Variants in ELANE observed in about 807,000 individuals in gnomAD.
The protein encoded by ELANE is elastase, neutrophil expressed.
ELANE carries 12 observed loss-of-function variants against 20.6 expected under a neutral mutation model. That is an observed-to-expected ratio of 0.58 (90% CI 0.37 to 0.94). ELANE has a LOEUF of 0.94. Among genes scored for constraint, ELANE ranks in the 40% least tolerant of loss-of-function variants. ELANE has a pLI of 0.01. For missense variants in ELANE, 388 were observed against 395.2 expected (o/e 0.98, Z 0.15); for synonymous variants, 203 against 177.4 (o/e 1.14, Z -1.15).
In ELANE at chr19:855,943, T is replaced by G. The variant is rs1275096616; in HGVS notation, c.598-15T>G. 1 of 1,612,920 alleles carries G rather than the reference T, an allele frequency of 6.2e-7. No individual in the cohort carries two copies. Among genetic ancestry groups the G allele is most frequent in the Non-Finnish European group, 8.5e-7 (1 of 1,179,996 alleles). On this transcript the variant is annotated splice_polypyrimidine_tract_variant and intron_variant, in intron 4 of 4. Transcript: ENST00000263621. This position sits in a 1 kb window ranked among gnomAD's most constrained non-coding sequence, Gnocchi z 6.2. ...GCCTCGCAGTCCAGCTTCCCCACCT[T>G]GTCTGCCTCCACAGGGGGACTCCGG...
In ELANE at chr19:855,355, C is replaced by T. The variant is rs897100267; in HGVS notation, c.367-209C>T. Among the ~76,000 whole-genome samples the T allele has an allele frequency of 3.3e-5, 5 of 152,178 alleles. No homozygotes were observed. The highest frequency in any genetic ancestry group is 1.2e-4 in the African/African-American group (5 of 41,448). On this transcript the variant is annotated intron_variant, in intron 3 of 4. Transcript: ENST00000263621. The surrounding 1 kb of genome is among the most constrained non-coding windows in gnomAD (Gnocchi z 6.2). ...CTCAAGCCACATCCAGGGACAACCT[C>T]CAACGCCCTGAGCCTTGGTGACGGC...
intron 3 of ELANE, among the ~76,000 whole-genome samples, 162 bp downstream of exon 3, chr19:853,565 C>T (rs936063435): frequency 2.0e-5 from 3 of 152,160 alleles, no homozygotes; most frequent in Admixed American, 2.0e-4. Context: ...CTCTGTGAAA[C>T]GGGAAAATAC....
chr19:856,124 C>T lies in ELANE; in HGVS notation c.764C>T (p.Pro255Leu). The change falls in exon 5 of 5, where the codon CCC becomes CTC. Residue 255 changes from proline (P) to leucine (L), a missense_variant. Transcript: ENST00000263621. ...CAACGCTCCGAGGACAACCCCTGTC[C>T]CCACCCCCGGGACCCGGACCCGGCC... ...IIQRSEDNPC[P>L]HPRDPDPASR... 6.2e-7 allele frequency: 1 copy of T among 1,613,070 alleles called. No homozygotes were observed. The highest frequency in any genetic ancestry group is 1.1e-5 in the South Asian group (1 of 91,086).
At chr19:853,433 G>A in intron 3 of ELANE, 30 bp downstream of exon 3, 2 of 1,569,766 alleles carry the variant, frequency 1.3e-6, no homozygotes, top group Non-Finnish European at 1.7e-6. Flanking sequence ...GGGGCGCAGG[G>A]GCGGAGGCCA....
Position 855,586 on chromosome 19 carries a change from A to G in ELANE, c.389A>G (p.Asn130Ser), listed in dbSNP as rs770152261. The G allele has an allele frequency of 1.2e-6, 2 of 1,600,228 alleles. No homozygotes were observed. The highest frequency in any genetic ancestry group is 2.2e-5 in the South Asian group (2 of 91,078). Residue 130 changes from asparagine (N) to serine (S), a missense_variant, in exon 4 of 5, where the codon AAC becomes AGC. Asn to Ser is a conservative substitution (Grantham distance 46, BLOSUM62 1). Transcript: ENST00000263621. The surrounding 1 kb of genome is among the most constrained non-coding windows in gnomAD (Gnocchi z 6.2). ...CAGCTCAACGGGTCGGCCACCATCA[A>G]CGCCAACGTGCAGGTGGCCCAGCTG... ...ILQLNGSATI[N>S]ANVQVAQLPA...
rs982244146 is a variant in ELANE at position 853,472 on chromosome 19, G to A, written c.366+69G>A. 6.5e-6 allele frequency: 10 copies of A among 1,527,674 alleles called. No homozygotes were observed. The African/African-American group carries it at 9.7e-5, about 15-fold the overall frequency. 94.6% of individuals were successfully genotyped at this position (1,527,674 alleles called of 1,614,324 possible). A position where few individuals can be genotyped will look rare whatever the true frequency, so the allele number is the denominator to read the frequency against. ...GCCTGGGGAGGGTGGAGGCTGCGAC[G>A]GAGGGGCGCGTCGGGGCCGCTCGTG... On this transcript the variant is annotated intron_variant, in intron 3 of 4. Coordinates refer to ENST00000263621, the MANE Select transcript of ELANE (RefSeq NM_001972.4).
rs777407712 is a variant in ELANE at position 856,136 on chromosome 19, A to G, written c.776A>G (p.Asp259Gly). The change falls in exon 5 of 5, where the codon GAC becomes GGC. Residue 259 changes from aspartate to glycine, a missense_variant. Physicochemically the swap from Asp to Gly is moderately conservative, Grantham distance 94. This residue lies in a region of ELANE where 321 missense variants were observed against 309.8 expected (regional missense o/e 1.04). Coordinates refer to ENST00000263621, the MANE Select transcript of ELANE (RefSeq NM_001972.4). Reference protein sequence around the residue: ...SEDNPCPHPRDPDPASRTH With the variant: ...SEDNPCPHPRGPDPASRTH ...GACAACCCCTGTCCCCACCCCCGGG[A>G]CCCGGACCCGGCCAGCAGGACCCAC... 6.2e-7 allele frequency: 1 copy of G among 1,612,758 alleles called. No individual in the cohort carries two copies. Among genetic ancestry groups the G allele is most frequent in the South Asian group, 1.1e-5 (1 of 91,068 alleles).
At position 856,141 on chromosome 19, in the gene ELANE, G is replaced by C. The variant is rs745363993; in HGVS notation, c.781G>C (p.Asp261His). Residue 261 changes from aspartate (D) to histidine (H), a missense_variant, in exon 5 of 5, where the codon GAC becomes CAC. This residue lies in a region of ELANE where 321 missense variants were observed against 309.8 expected (regional missense o/e 1.04). Coordinates refer to ENST00000263621, the MANE Select transcript of ELANE (RefSeq NM_001972.4). ...DNPCPHPRDP[D>H]PASRTH ...CCCCTGTCCCCACCCCCGGGACCCG[G>C]ACCCGGCCAGCAGGACCCACTGAGA... 5 of 1,612,850 alleles carry C rather than the reference G, an allele frequency of 3.1e-6. No individual in the cohort carries two copies. Among genetic ancestry groups the C allele is most frequent in the Non-Finnish European group, 4.2e-6 (5 of 1,180,026 alleles).
At chr19:853,226 G>A (rs1385601587) in intron 2 of ELANE, 36 bp from the exon 3 acceptor site, 21 of 1,557,000 alleles carry the variant, frequency 1.3e-5, no homozygotes, top group Non-Finnish European at 1.6e-5. Flanking sequence ...CGACCCCCGG[G>A]GCCGCCCCTG....
rs1255037748 is a variant in ELANE at position 853,136 on chromosome 19, T to C, written c.224+104T>C. ...GGGGCTGCTGGCGGGGGGGGGTCCG[T>C]CCAGGGCCCGCGGGGCCCCTCGAGC... On this transcript the variant is annotated intron_variant, in intron 2 of 4. Transcript: ENST00000263621. 4.8e-6 allele frequency: 7 copies of C among 1,469,392 alleles called. No homozygotes were observed. In the African/African-American group the frequency reaches 8.8e-5, roughly 18 times the overall value. The allele number at this position is 1,469,392 out of a possible 1,614,324, so 91.0% of individuals were successfully genotyped here.
chr19:854,012 C>A (rs985826934), intron 3 of ELANE, among the ~76,000 whole-genome samples: 1 of 152,080 alleles, frequency 6.6e-6, no homozygotes, highest in African/African-American at 2.4e-5. Flanking sequence ...GATCTGCTGT[C>A]AATCAACAAA....
At chr19:853,211 A>T in intron 2 of ELANE, 51 bp from the exon 3 acceptor site, 1 of 1,541,278 alleles carries the variant, frequency 6.5e-7, no homozygotes, top group African/African-American at 1.4e-5. Flanking sequence ...GGCGCGGCTG[A>T]GCCCCGACCC....
chr19:854,134 C>T (rs1445379016), intron 3 of ELANE, among the ~76,000 whole-genome samples: 2 of 152,224 alleles, frequency 1.3e-5, no homozygotes, highest in Non-Finnish European at 2.9e-5. Flanking sequence ...CCCCTGTCCG[C>T]GGCTTGCAGT....
chr19:856,015 G>A lies in ELANE; in HGVS notation c.655G>A (p.Val219Ile), dbSNP rs17216656. Residue 219 changes from valine (V) to isoleucine (I), a missense_variant, in exon 5 of 5, where the codon GTC (valine) becomes ATC (isoleucine). This residue lies in a region of ELANE where 321 missense variants were observed against 309.8 expected (regional missense o/e 1.04). Coordinates refer to ENST00000263621, the MANE Select transcript of ELANE (RefSeq NM_001972.4). ...NGLIHGIASFVRGGCASGLYP... is the reference protein window; with the variant it reads ...NGLIHGIASFIRGGCASGLYP... ...GCTAATCCACGGAATTGCCTCCTTC[G>A]TCCGGGGAGGCTGCGCCTCAGGGCT... 2,729 of 1,613,536 alleles carry A rather than the reference G, an allele frequency of 1.7e-3. 44 individuals are homozygous for A. In the African/African-American group the frequency reaches 0.031, roughly 18 times the overall value.
intron 2 of ELANE, 33 bp from the exon 3 acceptor site, chr19:853,229 C>G (rs1358836228): frequency 1.3e-6 from 2 of 1,559,712 alleles, no homozygotes; most frequent in South Asian, 2.3e-5. Context: ...CCCCCGGGGC[C>G]GCCCCTGAGC....
At chr19:854,739 ATATT>A (rs1568305125) in intron 3 of ELANE, among the ~76,000 whole-genome samples, 5 of 146,186 alleles carry the variant, frequency 3.4e-5, no homozygotes, top group African/African-American at 1.2e-4. Context: ...AATTATAATA[ATATT>A]TATATAATTA....
Position 856,062 on chromosome 19 carries a change from G to A in ELANE, c.702G>A (p.Pro234=), listed in dbSNP as rs202059602. ...ASGLYPDAFA[P]VAQFVNWIDS... The stretch of plus-strand genomic sequence containing the variant: ...GGCTCTACCCCGATGCCTTTGCCCC[G>A]GTGGCACAGTTTGTAAACTGGATCG... The change falls in exon 5 of 5, where the codon CCG becomes CCA. Residue 234 remains proline, a synonymous_variant. Coordinates refer to ENST00000263621, the MANE Select transcript of ELANE (RefSeq NM_001972.4). The A allele has an allele frequency of 2.2e-5, 36 of 1,613,362 alleles. No individual in the cohort carries two copies. Among genetic ancestry groups the A allele is most frequent in the South Asian group, 9.9e-5 (9 of 91,090 alleles).
Position 855,880 on chromosome 19 carries a change from A to G in ELANE, c.598-78A>G. 1 of 1,606,006 alleles carries G rather than the reference A, an allele frequency of 6.2e-7. No homozygotes were observed. The highest frequency in any genetic ancestry group is 8.5e-7 in the Non-Finnish European group (1 of 1,177,930). ...GCACCGTGGCTAGACCCTAGGAGGG[A>G]CTTCCCAACCCTGACAGGCGGCGGG... On this transcript the variant is annotated intron_variant, in intron 4 of 4. Transcript: ENST00000263621. The surrounding 1 kb of genome is among the most constrained non-coding windows in gnomAD (Gnocchi z 6.2).
chr19:853,503 C>T, intron 3 of ELANE, 100 bp downstream of exon 3: 1 of 1,414,708 alleles, frequency 7.1e-7, no homozygotes, highest in Non-Finnish European at 9.6e-7. Flanking sequence ...TCGTGGGGAC[C>T]TGGGGTGGCA....
Sources: allele counts gnomAD v4.1 joint callset (sites outside exome capture counted in the v4.1 genomes callset), GRCh38; gene constraint gnomAD v4.1.1; regional missense constraint gnomAD v4.1.1; non-coding constraint Gnocchi (gnomAD v3.1); transcripts MANE v1.5; gene names NCBI Gene and HGNC (gene_info 2026-07-23, HGNC 2026-07-21).